CPEB3: variants seen among roughly 807,000 people sequenced by gnomAD.
The protein encoded by CPEB3 is cytoplasmic polyadenylation element-binding protein 3.
In CPEB3, 20 loss-of-function variants were observed where a neutral mutation model predicts 67.2. The ratio of observed to expected loss-of-function variants is 0.30; its 90% CI spans 0.21 to 0.43. The LOEUF (loss-of-function observed/expected upper bound fraction) is 0.43, where lower values mean the gene tolerates loss of function less well. CPEB3 is among the 20% of genes least tolerant of loss of function. The pLI is 1.00. For missense variants in CPEB3, 746 were observed against 968.6 expected, an observed-to-expected ratio of 0.77 and a Z score of 3.05; for synonymous variants, 376 against 393.1, an observed-to-expected ratio of 0.96 and a Z score of 0.51.
At chr10:92,273,063 C>T (rs75830044) in intron 1 of CPEB3, among the ~76,000 whole-genome samples, 2,216 of 152,218 alleles carry the variant, frequency 0.015, 55 homozygotes, top group African/African-American at 0.05. Flanking sequence ...AGGAGATAAA[C>T]GAACCAGACT....
chr10:92,129,050 C>T (rs1845722964), intron 6 of CPEB3, among the ~76,000 whole-genome samples: 1 of 152,208 alleles, frequency 6.6e-6, no homozygotes. Flanking sequence ...TGTGTGTTCA[C>T]TGCAGCACTA....
intron 1 of CPEB3, among the ~76,000 whole-genome samples, chr10:92,285,322 G>A (rs1842477388): frequency 6.6e-6 from 1 of 152,154 alleles, no homozygotes; most frequent in Admixed American, 6.5e-5. Flanking sequence ...CCAGGCTGGA[G>A]TGTAGCGGCA....
intron 1 of CPEB3, among the ~76,000 whole-genome samples, chr10:92,259,250 G>A (rs941879161): frequency 6.6e-6 from 1 of 151,480 alleles, no homozygotes. Flanking sequence ...GGTATGAGCC[G>A]CCACACCCAG....
Position 92,240,012 on chromosome 10 carries a change from C to A in CPEB3, c.339G>T (p.Thr113=), listed in dbSNP as rs1297866915. The A allele has an allele frequency of 1.2e-6, 2 of 1,609,294 alleles. No homozygotes were observed. Among genetic ancestry groups the A allele is most frequent in the African/African-American group, 2.7e-5 (2 of 74,784 alleles). The part of the protein sequence containing the change: ...LSPSFGSTWS[T]GTTNAVEDSF... ...TGTCCTCTACCGCGTTGGTGGTGCC[C>A]GTGGACCAGGTGCTGCCGAAGGACG... Residue 113 remains threonine (T), a synonymous_variant, in exon 2 of 10, where the codon ACG becomes ACT. Transcript: ENST00000265997.
rs549164539 is a variant in CPEB3, at chr10:92,147,351, G to A, written c.1223-2266C>T. ...CACATCTGTAGTTCCAGCTACTGGG[G>A]AAGCTGAGGTGGGAGGATCGCTTGA... is the stretch of plus-strand genomic sequence containing the variant. On this transcript the variant is annotated intron_variant, in intron 4 of 9. Coordinates refer to ENST00000265997, the MANE Select transcript of CPEB3 (RefSeq NM_014912.5). 2.6e-5 allele frequency among the ~76,000 whole-genome samples: 4 copies of A among 152,152 alleles called. No homozygotes were observed. The East Asian group carries it at 7.7e-4, about 29-fold the overall frequency.
At chr10:92,138,568 T>C (rs1470055544) in intron 6 of CPEB3, among the ~76,000 whole-genome samples, 2 of 146,226 alleles carry the variant, frequency 1.4e-5, no homozygotes, top group Non-Finnish European at 3.0e-5. Flanking sequence ...AAAGACAATA[T>C]ACAAATGGCA....
In CPEB3 at chr10:92,239,352, T is replaced by C. The variant is rs769590784; in HGVS notation, c.999A>G (p.Pro333=). ...AGGTGCAGCAGAGTATTACCTGAAA[T>C]GGCAACAGATTGTTACCATTATCGG... ...FRTDNGNNLL[P]FQDRSRPYDT... is the part of the protein sequence containing the mutation. The change falls in exon 2 of 10, where the codon CCA becomes CCG. Residue 333 remains proline, a synonymous_variant. Coordinates refer to ENST00000265997, the MANE Select transcript of CPEB3 (RefSeq NM_014912.5). This position sits in a 1 kb window ranked among gnomAD's most constrained non-coding sequence, Gnocchi z 6.0. 7 of 1,604,898 alleles carry C rather than the reference T, an allele frequency of 4.4e-6. No individual in the cohort carries two copies. The highest frequency in any genetic ancestry group is 5.1e-6 in the Non-Finnish European group (6 of 1,175,924).
intron 6 of CPEB3, among the ~76,000 whole-genome samples, chr10:92,129,075 G>A (rs552719460): frequency 6.6e-6 from 1 of 152,172 alleles, no homozygotes; most frequent in Non-Finnish European, 1.5e-5. Flanking sequence ...CAATAGCAAA[G>A]ACATGGAATC....
At chr10:92,234,105 C>CAAA (rs1266057741) in intron 2 of CPEB3, among the ~76,000 whole-genome samples, 16 of 81,614 alleles carry the variant, frequency 2.0e-4, no homozygotes, top group Non-Finnish European at 3.2e-4. Flanking sequence ...GACTTTGTCT[C>CAAA]AAAAAAAAAA....
chr10:92,109,484 C>T (rs1844626919), intron 7 of CPEB3, among the ~76,000 whole-genome samples: 1 of 152,068 alleles, frequency 6.6e-6, no homozygotes, highest in African/African-American at 2.4e-5. Flanking sequence ...GATCTCCTGA[C>T]CTCGTGATCC....
At chr10:92,108,064 C>G (rs1370573598) in intron 7 of CPEB3, among the ~76,000 whole-genome samples, 1 of 152,032 alleles carries the variant, frequency 6.6e-6, no homozygotes, top group Non-Finnish European at 1.5e-5. Context: ...CCAAAGGGAA[C>G]AGGAGTTTGA....
chr10:92,287,618 C>G (rs1267185385), intron 1 of CPEB3, among the ~76,000 whole-genome samples: 10 of 152,026 alleles, frequency 6.6e-5, no homozygotes, highest in Admixed American at 6.6e-4. Context: ...TTTTCAGATA[C>G]CCTTATGAAC....
rs561532428 is a variant in CPEB3 at position 92,177,964 on chromosome 10, A to G, written c.1222+2999T>C. On this transcript the variant is annotated intron_variant, in intron 4 of 9. Transcript: ENST00000265997. ...GGAAGCACAAATTTCACATAGCAAA[A>G]AAGGGTAAGAAAGAAAGAACTACAA... 2.6e-5 allele frequency among the ~76,000 whole-genome samples: 4 copies of G among 152,240 alleles called. No homozygotes were observed. In the East Asian group the frequency reaches 7.7e-4, roughly 29 times the overall value.
chr10:92,189,736 C>T (rs1260656766), intron 3 of CPEB3, among the ~76,000 whole-genome samples: 2 of 108,608 alleles, frequency 1.8e-5, no homozygotes, highest in African/African-American at 3.6e-5. Flanking sequence ...GAGACAGAGT[C>T]TCTCGCTCTG....
chr10:92,237,156 C>T (rs957497997), intron 2 of CPEB3, among the ~76,000 whole-genome samples: 10 of 152,178 alleles, frequency 6.6e-5, no homozygotes, highest in Non-Finnish European at 1.0e-4. Flanking sequence ...AAACTTGGTA[C>T]GGTTATCAAC....
At chr10:92,130,918 T>C (rs1427017641) in intron 6 of CPEB3, among the ~76,000 whole-genome samples, 1 of 152,138 alleles carries the variant, frequency 6.6e-6, no homozygotes, top group African/African-American at 2.4e-5. Flanking sequence ...TAATGGCCAA[T>C]GTGAGGTGAC....
intron 9 of CPEB3, among the ~76,000 whole-genome samples, chr10:92,077,341 A>G (rs1842973685): frequency 6.6e-6 from 1 of 152,200 alleles, no homozygotes; most frequent in Admixed American, 6.5e-5. Context: ...CTATATTCTA[A>G]GCAAGAAGAA....
At chr10:92,216,935 G>A (rs1466948198) in intron 2 of CPEB3, 3 of 681,000 alleles carry the variant, frequency 4.4e-6, no homozygotes, top group Non-Finnish European at 7.8e-6. Context: ...AGCTCTAACA[G>A]CCCTTTCATG....
intron 1 of CPEB3, among the ~76,000 whole-genome samples, chr10:92,257,428 G>A (rs945643555): frequency 2.6e-5 from 4 of 152,058 alleles, no homozygotes; most frequent in African/African-American, 9.7e-5. Flanking sequence ...CCAAGTAGCT[G>A]GGATTACAGG....
Sources: allele counts gnomAD v4.1 joint callset (sites outside exome capture counted in the v4.1 genomes callset), GRCh38; gene constraint gnomAD v4.1.1; non-coding constraint Gnocchi (gnomAD v3.1); transcripts MANE v1.5; gene names NCBI Gene and HGNC (gene_info 2026-07-23, HGNC 2026-07-21).